SERHL2: variants seen among roughly 807,000 people sequenced by gnomAD.
SERHL2 encodes the protein serine hydrolase like 2, also known as serine hydrolase-like protein 2.
In SERHL2, 29 loss-of-function variants were observed where a neutral mutation model predicts 25.5. The ratio of observed to expected loss-of-function variants is 1.14; its 90% CI spans 0.85 to 1.55. The LOEUF (loss-of-function observed/expected upper bound fraction) is 1.55, where lower values mean the gene tolerates loss of function less well. Ranked by LOEUF, SERHL2 falls within the 40% of genes most tolerant of loss-of-function variation. The pLI is 0.00. For missense variants in SERHL2, 240 were observed against 252.3 expected, an observed-to-expected ratio of 0.95 and a Z score of 0.33; for synonymous variants, 95 against 103.5, an observed-to-expected ratio of 0.92 and a Z score of 0.50.
chr22:42,567,719 ATTTTATTAT>A (rs1272070770), intron 9 of SERHL2, among the ~76,000 whole-genome samples: 1 of 131,776 alleles, frequency 7.6e-6, no homozygotes, highest in Non-Finnish European at 1.6e-5. Context: ...TTTTTCTTTA[ATTTTATTAT>A]TATTATTATT....
At chr22:42,571,938 G>C (rs1387989074) in intron 10 of SERHL2, 2 of 107,780 alleles carry the variant, frequency 1.9e-5, no homozygotes, top group Non-Finnish European at 3.5e-5. Context: ...TGTTGGGGGC[G>C]GGGGGCGGGG....
chr22:42,563,936 G>C (rs905082901), intron 8 of SERHL2, among the ~76,000 whole-genome samples: 3 of 151,692 alleles, frequency 2.0e-5, no homozygotes, highest in Non-Finnish European at 4.4e-5. Flanking sequence ...AGTTGGGCGT[G>C]ATGGCGCATG....
intron 9 of SERHL2, among the ~76,000 whole-genome samples, chr22:42,570,665 C>T (rs1429520818): frequency 2.6e-5 from 4 of 152,134 alleles, no homozygotes; most frequent in Non-Finnish European, 5.9e-5. Flanking sequence ...GAGTGCCCAT[C>T]CTGCACTGTG....
intron 8 of SERHL2, among the ~76,000 whole-genome samples, chr22:42,563,880 C>T (rs1646789780): frequency 6.6e-6 from 1 of 151,688 alleles, no homozygotes; most frequent in Non-Finnish European, 1.5e-5. Context: ...TCGAGACCAC[C>T]CTGACCAACA....
At position 42,566,572 on chromosome 22, in the gene SERHL2, A is replaced by AG. The variant is rs771818776; in HGVS notation, c.648+234_648+235insG. On this transcript the variant is annotated intron_variant, in intron 9 of 11. Transcript: ENST00000327678. ...CTCCATCTCAAGAAAAAAAAAACAA[A>AG]AGAAATTATATAGCTAACATAATAC... Among the ~76,000 whole-genome samples, 999 of 151,708 alleles carry AG rather than the reference A, an allele frequency of 6.6e-3. 17 individuals carry two copies. The highest frequency in any genetic ancestry group is 9.1e-3 in the Non-Finnish European group (619 of 67,882).
chr22:42,562,973 T>C (rs1922869780), intron 8 of SERHL2, among the ~76,000 whole-genome samples: 1 of 151,744 alleles, frequency 6.6e-6, no homozygotes. Flanking sequence ...GTGGGAGGAC[T>C]GTTTGAGGCC....
At chr22:42,564,697 T>G (rs1253030587) in intron 8 of SERHL2, among the ~76,000 whole-genome samples, 1 of 151,980 alleles carries the variant, frequency 6.6e-6, no homozygotes, top group Non-Finnish European at 1.5e-5. Context: ...TCCCAAAGTA[T>G]TGGGATTTCA....
chr22:42,563,033 C>A (rs931788004), intron 8 of SERHL2, among the ~76,000 whole-genome samples: 1 of 151,318 alleles, frequency 6.6e-6, no homozygotes, highest in African/African-American at 2.4e-5. Flanking sequence ...CCCATCTCTA[C>A]AAAAAATTCA....
intron 9 of SERHL2, 79 bp downstream of exon 9, chr22:42,566,417 G>T (rs966690147): frequency 7.0e-7 from 1 of 1,434,722 alleles, no homozygotes. Flanking sequence ...TACAGGCCAG[G>T]CGTGGTGGCT....
intron 8 of SERHL2, chr22:42,565,357 A>C (rs1923233652): frequency 1.4e-5 from 2 of 145,642 alleles, no homozygotes; most frequent in Admixed American, 6.9e-5. Context: ...ACGGAGTCTC[A>C]CTCTGTCACC....
chr22:42,573,351 C>A (rs1345579812), intron 11 of SERHL2: 1 of 151,170 alleles, frequency 6.6e-6, no homozygotes, highest in Admixed American at 6.6e-5. Context: ...TCATGCCATT[C>A]TCCTGCCTCA....
At chr22:42,566,626 A>AGT (rs1223360577) in intron 9 of SERHL2, among the ~76,000 whole-genome samples, 3 of 152,082 alleles carry the variant, frequency 2.0e-5, no homozygotes, top group African/African-American at 4.8e-5. Context: ...ACCGTTTGTA[A>AGT]GTATGCACTT....
At chr22:42,567,875 A>G (rs1304722962) in intron 9 of SERHL2, among the ~76,000 whole-genome samples, 5 of 151,230 alleles carry the variant, frequency 3.3e-5, no homozygotes, top group Non-Finnish European at 7.4e-5. Context: ...GATTACAGGC[A>G]CCCACCACCA....
chr22:42,559,695 G>T (rs1601832346), intron 7 of SERHL2, among the ~76,000 whole-genome samples: 1 of 151,350 alleles, frequency 6.6e-6, no homozygotes, highest in Non-Finnish European at 1.5e-5. Context: ...CTCCAGCCTG[G>T]GCAACAGAGC....
intron 8 of SERHL2, among the ~76,000 whole-genome samples, chr22:42,564,371 ACTGCCTGTC>A (rs1395998719): frequency 6.6e-6 from 1 of 151,282 alleles, no homozygotes; most frequent in Non-Finnish European, 1.5e-5. Context: ...TCTGTCTCTG[ACTGCCTGTC>A]TATGATCTTA....
chr22:42,570,062 C>CAGAG (rs1569283108), intron 9 of SERHL2: 1 of 152,010 alleles, frequency 6.6e-6, no homozygotes, highest in African/African-American at 2.4e-5. Context: ...GTCCCCAGAT[C>CAGAG]AGAGCAGCAC....
chr22:42,565,290 A>C (rs1251280291), intron 8 of SERHL2: 1 of 150,866 alleles, frequency 6.6e-6, no homozygotes. Flanking sequence ...CCTGGCGATC[A>C]ATGGGGTGAC....
chr22:42,573,846 A>C lies in SERHL2; in HGVS notation c.826-90A>C, dbSNP rs1924617671. On this transcript the variant is annotated intron_variant, in intron 11 of 11. Transcript: ENST00000327678. ...GCGCTCCTGACCTGCAGGGAGCTGG[A>C]ATGCTGTGGGAGGGCCCTGACCCCG... 3.2e-6 allele frequency: 4 copies of C among 1,268,508 alleles called. No homozygotes were observed. In the East Asian group the frequency reaches 9.3e-5, roughly 29 times the overall value. 78.6% of individuals were successfully genotyped at this position (1,268,508 alleles called of 1,614,324 possible).
At chr22:42,566,558 G>GAAA (rs147819513) in intron 9 of SERHL2, among the ~76,000 whole-genome samples, 17 of 142,310 alleles carry the variant, frequency 1.2e-4, no homozygotes, top group Non-Finnish European at 2.1e-4. Context: ...TCCATCTCAA[G>GAAA]AAAAAAAAAA....
Sources: gnomAD v4.1 joint callset for allele counts (sites outside exome capture counted in the v4.1 genomes callset) on GRCh38, gnomAD v4.1.1 for gene constraint, MANE v1.5 for transcripts, NCBI Gene and HGNC (gene_info 2026-07-23, HGNC 2026-07-21) for gene names.